ILK: variants seen among roughly 807,000 people sequenced by gnomAD.
The protein encoded by ILK is scaffold protein ILK.
In ILK, 37 loss-of-function variants were observed where a neutral mutation model predicts 57.8. That is an observed-to-expected ratio of 0.64 (90% CI 0.49 to 0.84). The LOEUF (loss-of-function observed/expected upper bound fraction) is 0.84. Ranked by LOEUF, ILK falls within the 40% of genes least tolerant of loss-of-function variation. The pLI is 0.00. For missense variants in ILK, 528 were observed against 595.7 expected, an observed-to-expected ratio of 0.89 and a Z score of 1.18; for synonymous variants, 231 against 202.2, an observed-to-expected ratio of 1.14 and a Z score of -1.21.
chr11:6,603,961 A>G lies in ILK; in HGVS notation c.-93+139A>G, dbSNP rs558436191. 9.7e-6 allele frequency: 5 copies of G among 513,968 alleles called. No individual in the cohort carries two copies. In the East Asian group the frequency reaches 1.1e-4, roughly 11 times the overall value. 31.8% of individuals were successfully genotyped at this position (513,968 alleles called of 1,614,324 possible). ...AGCCTGAACCTCCCCACTTCCCCCA[A>G]CTCTGTTCGCGGATAGGGTCTAGTT... On this transcript the variant is annotated intron_variant, in intron 1 of 12. Transcript: ENST00000299421.
At chr11:6,604,969 A>G (rs938990677) in intron 2 of ILK, 3 of 449,362 alleles carry the variant, frequency 6.7e-6, no homozygotes, top group African/African-American at 6.1e-5. Flanking sequence ...AAGTGATCAA[A>G]TTCCAGAAGT....
In ILK at chr11:6,604,185, A is replaced by C; in HGVS notation, c.-87A>C. On this transcript the variant is annotated 5_prime_UTR_variant, in exon 2 of 13. Transcript: ENST00000299421. ...CAAACACTTCTCTCCTGTAGAGGAT[A>C]AAGCTTGGGGTTCATCCTCCTTCCC... is the stretch of plus-strand genomic sequence containing the variant. 2 of 1,171,612 alleles carry C rather than the reference A, an allele frequency of 1.7e-6. No individual in the cohort carries two copies. Among genetic ancestry groups the C allele is most frequent in the Non-Finnish European group, 1.2e-6 (1 of 808,754 alleles). The allele number at this position is 1,171,612 out of a possible 1,614,324, so 72.6% of individuals were successfully genotyped here. A position where few individuals can be genotyped will look rare whatever the true frequency, so the allele number is the denominator to read the frequency against.
rs1249700416 is a variant in ILK at position 6,609,203 on chromosome 11, T to C, written c.618+47T>C. 5 of 1,600,196 alleles carry C rather than the reference T, an allele frequency of 3.1e-6. No homozygotes were observed. The Admixed American group carries it at 8.3e-5, about 27-fold the overall frequency. On this transcript the variant is annotated intron_variant, in intron 7 of 12. Coordinates refer to ENST00000299421, the MANE Select transcript of ILK (RefSeq NM_004517.4). ...CTTCCCTCACTAAACCCCCATAAATTACTTGCTTTGTACCTGTTTTAAGTT... is the reference window on the plus strand; with the variant it reads ...CTTCCCTCACTAAACCCCCATAAATCACTTGCTTTGTACCTGTTTTAAGTT...
Position 6,609,393 on chromosome 11 carries a change from A to G in ILK, c.713A>G (p.Glu238Gly), listed in dbSNP as rs914470282. ...STRKSRDFNE[E>G]CPRLRIFSHP... ...AGGAAGAGCAGGGACTTCAATGAAG[A>G]GTGTCCCCGGCTCAGGTAGTGCAAG... The change falls in exon 8 of 13, where the codon GAG becomes GGG. Residue 238 changes from glutamate (E) to glycine (G), a missense_variant. Glu to Gly is a moderately conservative substitution (Grantham distance 98, BLOSUM62 -2). Transcript: ENST00000299421. The G allele has an allele frequency of 6.2e-7, 1 of 1,613,850 alleles. No individual in the cohort carries two copies. The highest frequency in any genetic ancestry group is 8.5e-7 in the Non-Finnish European group (1 of 1,179,962).
intron 2 of ILK, chr11:6,604,575 G>C (rs944763214): frequency 1.6e-6 from 1 of 636,164 alleles, no homozygotes; most frequent in African/African-American, 1.8e-5. Context: ...GCTACAGAGA[G>C]CTTTCCAGCC....
In ILK at chr11:6,608,329, C is replaced by T. The variant is rs1201211526; in HGVS notation, c.256-65C>T. 28 of 1,570,586 alleles carry T rather than the reference C, an allele frequency of 1.8e-5. No individual in the cohort carries two copies. In the Admixed American group the frequency reaches 4.5e-4, roughly 25 times the overall value. ...TTCCCCCTTTTCCCATGCCCTGACA[C>T]CAGTATCTCATTTGGAACTGACTGT... On this transcript the variant is annotated intron_variant, in intron 3 of 12. Coordinates refer to ENST00000299421, the MANE Select transcript of ILK (RefSeq NM_004517.4). The surrounding 1 kb of genome is among the most constrained non-coding windows in gnomAD (Gnocchi z 4.9).
intron 1 of ILK, 62 bp from the exon 2 acceptor site, chr11:6,604,118 C>A: frequency 1.4e-6 from 1 of 710,608 alleles, no homozygotes; most frequent in Admixed American, 2.1e-5. Context: ...TTCACAGACC[C>A]CCACTAGCCG....
chr11:6,604,944 G>A, intron 2 of ILK: 1 of 452,844 alleles, frequency 2.2e-6, no homozygotes, highest in Non-Finnish European at 4.4e-6. Flanking sequence ...TAGAATTAGG[G>A]TGAGTGAAAA....
chr11:6,609,904 T>C, intron 10 of ILK, 32 bp from the exon 11 acceptor site: 1 of 1,614,150 alleles, frequency 6.2e-7, no homozygotes, highest in South Asian at 1.1e-5. Flanking sequence ...TATCTATGAC[T>C]TACCTCCTTC....
chr11:6,605,843 T>A (rs1854846266), intron 2 of ILK, among the ~76,000 whole-genome samples: 1 of 152,236 alleles, frequency 6.6e-6, no homozygotes, highest in Admixed American at 6.5e-5. Flanking sequence ...GTCCAGAATC[T>A]GACATAATCT....
Position 6,604,155 on chromosome 11 carries a change from C to T in ILK, c.-92-25C>T, listed in dbSNP as rs1854581366. On this transcript the variant is annotated intron_variant, in intron 1 of 12. Coordinates refer to ENST00000299421, the MANE Select transcript of ILK (RefSeq NM_004517.4). The stretch of plus-strand genomic sequence containing the variant: ...GGACGCAGCTCAGGCCCCCTACCCC[C>T]AACACAAACACTTCTCTCCTGTAGA... 6.3e-6 allele frequency: 6 copies of T among 959,038 alleles called. No homozygotes were observed. In the East Asian group the frequency reaches 1.6e-4, roughly 25 times the overall value. 59.4% of individuals were successfully genotyped at this position (959,038 alleles called of 1,614,324 possible). A position where few individuals can be genotyped will look rare whatever the true frequency, so the allele number is the denominator to read the frequency against.
intron 2 of ILK, among the ~76,000 whole-genome samples, chr11:6,605,455 GCTA>G (rs1290918274): frequency 6.6e-6 from 1 of 152,002 alleles, no homozygotes; most frequent in Non-Finnish European, 1.5e-5. Flanking sequence ...GGCAGTACAG[GCTA>G]CTGAGAGATC....
In ILK at chr11:6,605,513, GTT is replaced by G. The variant is rs10706340; in HGVS notation, c.89+1164_89+1165del. 4.7e-3 allele frequency among the ~76,000 whole-genome samples: 695 copies of G among 148,020 alleles called. 6 individuals are homozygous for G. The highest frequency in any genetic ancestry group is 0.015 in the African/African-American group (627 of 40,486). ...AAGTAGCCATTGAATTTACAGTTGG[GTT>G]TTTTTTTTTTAAGTTAAGGGGTACA... On this transcript the variant is annotated intron_variant, in intron 2 of 12. Transcript: ENST00000299421.
At chr11:6,604,432 T>G (rs373039321) in intron 2 of ILK, 72 bp downstream of exon 2, 9 of 1,369,198 alleles carry the variant, frequency 6.6e-6, no homozygotes, top group Admixed American at 3.9e-5. Context: ...AGTGCTCATG[T>G]CTGGTGGTGG....
intron 2 of ILK, 107 bp downstream of exon 2, chr11:6,604,467 A>G: frequency 2.0e-6 from 2 of 977,804 alleles, no homozygotes; most frequent in Non-Finnish European, 3.2e-6. Flanking sequence ...AGCCAGTGTA[A>G]TGAGTGCTAA....
rs760982982 is a variant in ILK, at chr11:6,608,186, A to G, written c.230A>G (p.His77Arg). The change falls in exon 3 of 13, where the codon CAT becomes CGT. Residue 77 changes from histidine (H) to arginine (R), a missense_variant. His to Arg is a conservative substitution (Grantham distance 29). Coordinates refer to ENST00000299421, the MANE Select transcript of ILK (RefSeq NM_004517.4). The surrounding 1 kb of genome is among the most constrained non-coding windows in gnomAD (Gnocchi z 4.9). ...ACCCCCCTGCATCTGGCAGCCAGTC[A>G]TGGACACCGTGATATTGTACAGAAG... ...DDTPLHLAAS[H>R]GHRDIVQKLL... 8 of 1,614,104 alleles carry G rather than the reference A, an allele frequency of 5.0e-6. No homozygotes were observed. The African/African-American group carries it at 9.3e-5, about 19-fold the overall frequency.
chr11:6,604,212 G>A lies in ILK; in HGVS notation c.-60G>A. On this transcript the variant is annotated 5_prime_UTR_variant, in exon 2 of 13. Coordinates refer to ENST00000299421, the MANE Select transcript of ILK (RefSeq NM_004517.4). ...AGCTTGGGGTTCATCCTCCTTCCCT[G>A]GATCACTCCACAGTCCTCAGGCTTC... 1 of 1,442,514 alleles carries A rather than the reference G, an allele frequency of 6.9e-7. No individual in the cohort carries two copies. The highest frequency in any genetic ancestry group is 9.6e-7 in the Non-Finnish European group (1 of 1,041,486). 89.4% of individuals were successfully genotyped at this position (1,442,514 alleles called of 1,614,324 possible). A position where few individuals can be genotyped will look rare whatever the true frequency, so the allele number is the denominator to read the frequency against.
intron 10 of ILK, 39 bp from the exon 11 acceptor site, chr11:6,609,897 C>G: frequency 3.1e-6 from 5 of 1,614,194 alleles, no homozygotes; most frequent in Non-Finnish European, 4.2e-6. Flanking sequence ...CTTTGCCTAT[C>G]TATGACTTAC....
At chr11:6,607,993 A>G (rs1855096084) in intron 2 of ILK, 53 bp from the exon 3 acceptor site, 1 of 1,591,624 alleles carries the variant, frequency 6.3e-7, no homozygotes, top group East Asian at 2.2e-5. Flanking sequence ...CAGGAATCAA[A>G]ACCTTTGCCC....
Sources: gnomAD v4.1 joint callset for allele counts (sites outside exome capture counted in the v4.1 genomes callset) on GRCh38, gnomAD v4.1.1 for gene constraint, Gnocchi (gnomAD v3.1) non-coding constraint, MANE v1.5 for transcripts, NCBI Gene and HGNC (gene_info 2026-07-23, HGNC 2026-07-21) for gene names.